PALLD: variants seen among roughly 807,000 people sequenced by gnomAD.
PALLD encodes palladin, cytoskeletal associated protein, also known as palladin.
A neutral mutation model predicts 123.5 loss-of-function variants in PALLD; 61 were observed. The ratio of observed to expected loss-of-function variants is 0.49; its 90% CI spans 0.40 to 0.61. The LOEUF (loss-of-function observed/expected upper bound fraction) is 0.61. Ranked by LOEUF, PALLD falls within the 20% of genes least tolerant of loss-of-function variation. PALLD has a pLI of 0.00. For synonymous variants in PALLD, 465 were observed against 496.4 expected (o/e 0.94, Z 0.84); for missense variants, 1,273 against 1,377.0 (o/e 0.92, Z 1.20).
At chr4:168,620,288 C>A (rs1414441959) in intron 2 of PALLD, among the ~76,000 whole-genome samples, 2 of 152,260 alleles carry the variant, frequency 1.3e-5, no homozygotes, top group Admixed American at 1.3e-4. Flanking sequence ...AACCCTGTCT[C>A]TACTAAAAAT....
At chr4:168,896,713 T>C (rs1755259598) in intron 13 of PALLD, 114 bp downstream of exon 13, 2 of 667,220 alleles carry the variant, frequency 3.0e-6, no homozygotes, top group Non-Finnish European at 5.2e-6. Flanking sequence ...TTATAAATGC[T>C]ATGACCAGTG....
At chr4:168,919,361 TA>T (rs1760938644) in intron 17 of PALLD, among the ~76,000 whole-genome samples, 1 of 151,654 alleles carries the variant, frequency 6.6e-6, no homozygotes, top group Admixed American at 6.6e-5. Flanking sequence ...CCGTCTCTAC[TA>T]AAATACAAAA....
chr4:168,631,335 GT>G (rs767501825), intron 2 of PALLD, among the ~76,000 whole-genome samples: 2 of 152,154 alleles, frequency 1.3e-5, no homozygotes, highest in African/African-American at 4.8e-5. Flanking sequence ...GAGCTGCAAC[GT>G]TTCCTAAATG....
At chr4:168,761,876 G>C (rs1309051193) in intron 10 of PALLD, among the ~76,000 whole-genome samples, 1 of 151,716 alleles carries the variant, frequency 6.6e-6, no homozygotes, top group Non-Finnish European at 1.5e-5. Context: ...GACCTGCACA[G>C]GATTAGAATT....
intron 17 of PALLD, among the ~76,000 whole-genome samples, chr4:168,916,968 C>G (rs1265825679): frequency 6.6e-6 from 1 of 151,606 alleles, no homozygotes; most frequent in Non-Finnish European, 1.5e-5. Flanking sequence ...AGTGCCCCGC[C>G]CCCATTTTCT....
chr4:168,687,445 T>C (rs887309740), intron 6 of PALLD, among the ~76,000 whole-genome samples: 1 of 152,186 alleles, frequency 6.6e-6, no homozygotes, highest in Non-Finnish European at 1.5e-5. Flanking sequence ...GTTTAAGAGT[T>C]TTGCACAAGC....
rs370812244 is a variant in PALLD, at chr4:168,834,056, A to G, written c.1965-56866A>G. 4.7e-4 allele frequency among the ~76,000 whole-genome samples: 71 copies of G among 151,388 alleles called. No individual in the cohort carries two copies. The East Asian group carries it at 7.5e-3, about 16-fold the overall frequency. On this transcript the variant is annotated intron_variant, in intron 10 of 21. Coordinates refer to ENST00000505667, the MANE Select transcript of PALLD (RefSeq NM_001166108.2). Reference sequence around the variant, plus strand: ...TGATTCTTGTACTTTGTCATTAGAAAAAGGAGTGGGGTTGGTTTCCCAGTG... The same window carrying G: ...TGATTCTTGTACTTTGTCATTAGAAGAAGGAGTGGGGTTGGTTTCCCAGTG...
chr4:168,594,397 G>A (rs1232490158), intron 2 of PALLD, among the ~76,000 whole-genome samples: 1 of 152,162 alleles, frequency 6.6e-6, no homozygotes, highest in Non-Finnish European at 1.5e-5. Context: ...GACAGAGACA[G>A]CAGGATGATG....
chr4:168,685,922 C>T (rs772671346), intron 6 of PALLD, among the ~76,000 whole-genome samples: 8 of 151,756 alleles, frequency 5.3e-5, no homozygotes, highest in Non-Finnish European at 8.8e-5. Context: ...GTCCTGAGTC[C>T]GGAATTTGCA....
At chr4:168,711,510 C>G in intron 9 of PALLD, 71 bp from the exon 10 acceptor site, 1 of 1,063,694 alleles carries the variant, frequency 9.4e-7, no homozygotes, top group Non-Finnish European at 1.5e-6. Context: ...TCAGAAGACT[C>G]TGACAGTGTG....
At chr4:168,555,267 G>T (rs929682207) in intron 2 of PALLD, among the ~76,000 whole-genome samples, 1 of 152,182 alleles carries the variant, frequency 6.6e-6, no homozygotes, top group Non-Finnish European at 1.5e-5. Context: ...GGCTGATTAG[G>T]AACGGAGCAT....
rs775267382 is a variant in PALLD, at chr4:168,690,608, G to A, written c.1341G>A (p.Leu447=). Reference sequence around the variant, plus strand: ...TGAATTTCCTTGAATTTCAGGAACTGCAAAACACAGCCGTGGCGGAAGGCC... The same window carrying A: ...TGAATTTCCTTGAATTTCAGGAACTACAAAACACAGCCGTGGCGGAAGGCC... ...AYFPPVFTKE[L]QNTAVAEGQV... The change falls in exon 7 of 22, where the codon CTG becomes CTA. Residue 447 remains leucine, a synonymous_variant. Transcript: ENST00000505667. 6.2e-7 allele frequency: 1 copy of A among 1,614,200 alleles called. No homozygotes were observed. The highest frequency in any genetic ancestry group is 8.5e-7 in the Non-Finnish European group (1 of 1,180,040).
intron 6 of PALLD, among the ~76,000 whole-genome samples, chr4:168,687,410 G>C (rs1183261708): frequency 6.6e-6 from 1 of 152,200 alleles, no homozygotes; most frequent in Non-Finnish European, 1.5e-5. Flanking sequence ...TTACAGAGGG[G>C]TGGACACTCC....
chr4:168,557,778 G>A (rs1767472369), intron 2 of PALLD, among the ~76,000 whole-genome samples: 1 of 152,140 alleles, frequency 6.6e-6, no homozygotes, highest in Non-Finnish European at 1.5e-5. Flanking sequence ...GTTGTGGTAT[G>A]AGATTTTCTC....
Position 168,512,083 on chromosome 4 carries a change from A to G in PALLD, c.579A>G (p.Pro193=). ...FKAAKPRNRS[P]NGESSSPDSG... ...CCGCAAAGCCAAGAAACAGAAGCCCAAATGGGGAGTCCTCGTCACCAGACA... is the reference window on the plus strand; with the variant it reads ...CCGCAAAGCCAAGAAACAGAAGCCCGAATGGGGAGTCCTCGTCACCAGACA... Residue 193 remains proline (P), a synonymous_variant, in exon 2 of 22, where the codon CCA becomes CCG. Transcript: ENST00000505667. 6.2e-7 allele frequency: 1 copy of G among 1,614,234 alleles called. No homozygotes were observed. The highest frequency in any genetic ancestry group is 8.5e-7 in the Non-Finnish European group (1 of 1,180,038).
intron 2 of PALLD, among the ~76,000 whole-genome samples, chr4:168,515,446 C>T (rs968803183): frequency 3.9e-5 from 6 of 152,090 alleles, no homozygotes; most frequent in Admixed American, 1.3e-4. Flanking sequence ...AGTTGACAGA[C>T]GTGTGGAGAG....
intron 8 of PALLD, among the ~76,000 whole-genome samples, chr4:168,692,443 A>G (rs78656233): frequency 0.014 from 2,124 of 152,310 alleles, 44 homozygotes; most frequent in African/African-American, 0.048. Context: ...GAAATATACA[A>G]CTGCATATTT....
intron 2 of PALLD, among the ~76,000 whole-genome samples, chr4:168,614,937 G>A (rs1052216422): frequency 1.3e-5 from 2 of 152,126 alleles, no homozygotes; most frequent in African/African-American, 4.8e-5. Flanking sequence ...ATTGCCAATA[G>A]GCTGTGGGTA....
chr4:168,510,321 G>T (rs1762416540), intron 1 of PALLD, among the ~76,000 whole-genome samples: 1 of 152,200 alleles, frequency 6.6e-6, no homozygotes, highest in Admixed American at 6.5e-5. Flanking sequence ...ATATTCCCAT[G>T]TAAGTGTTCT....
Sources: allele counts gnomAD v4.1 joint callset (sites outside exome capture counted in the v4.1 genomes callset), GRCh38; gene constraint gnomAD v4.1.1; transcripts MANE v1.5; gene names NCBI Gene and HGNC (gene_info 2026-07-23, HGNC 2026-07-21).